The following NCOA5 variants were observed in gnomAD, a reference collection of about 807,000 sequenced individuals.
NCOA5 encodes the protein nuclear receptor coactivator 5.
In NCOA5, 12 loss-of-function variants were observed where a neutral mutation model predicts 59.0. The observed-to-expected ratio is 0.20, with a 90% CI of 0.13 to 0.33. NCOA5 has a LOEUF of 0.33. Ranked by LOEUF, NCOA5 falls within the 10% of genes least tolerant of loss-of-function variation. The pLI is 1.00. For missense variants in NCOA5, 655 were observed against 766.6 expected (o/e 0.85, Z 1.72); for synonymous variants, 270 against 275.5 (o/e 0.98, Z 0.20).
intron 5 of NCOA5, 95 bp downstream of exon 5, chr20:46,066,960 A>C: frequency 7.1e-7 from 1 of 1,401,624 alleles, no homozygotes; most frequent in Non-Finnish European, 9.7e-7. Context: ...ATGCAAGAAT[A>C]CACAGCTCAG....
In NCOA5 at chr20:46,083,817, C is replaced by G. The variant is rs954718467; in HGVS notation, c.-29-4364G>C. Among the ~76,000 whole-genome samples the G allele has an allele frequency of 2.6e-5, 4 of 152,316 alleles. No individual in the cohort carries two copies. The East Asian group carries it at 7.7e-4, about 29-fold the overall frequency. On this transcript the variant is annotated intron_variant, in intron 1 of 7. Transcript: ENST00000290231. ...TGGGAGGGGAAATGACAGGACTTCTCGCTAAACTATATTTATGAAGACAAC... is the reference window on the plus strand; with the variant it reads ...TGGGAGGGGAAATGACAGGACTTCTGGCTAAACTATATTTATGAAGACAAC...
At chr20:46,078,014 G>C (rs2084956267) in intron 2 of NCOA5, among the ~76,000 whole-genome samples, 1 of 152,224 alleles carries the variant, frequency 6.6e-6, no homozygotes, top group Non-Finnish European at 1.5e-5. Context: ...TCTTTAGAGA[G>C]AACAGACAGA....
At chr20:46,070,824 C>T (rs1449199538) in intron 2 of NCOA5, among the ~76,000 whole-genome samples, 2 of 152,102 alleles carry the variant, frequency 1.3e-5, no homozygotes, top group Non-Finnish European at 2.9e-5. Context: ...TGTCTTTCCA[C>T]CAGACTTGCT....
chr20:46,066,361 G>A (rs2084823376), intron 5 of NCOA5, among the ~76,000 whole-genome samples: 1 of 152,200 alleles, frequency 6.6e-6, no homozygotes. Context: ...CAAAGACTTG[G>A]TTCTTGGCTG....
At chr20:46,084,745 G>C (rs937379286) in intron 1 of NCOA5, among the ~76,000 whole-genome samples, 2 of 152,096 alleles carry the variant, frequency 1.3e-5, no homozygotes, top group Non-Finnish European at 2.9e-5. Flanking sequence ...GACTCAAGGA[G>C]AAAAATCAGC....
intron 2 of NCOA5, among the ~76,000 whole-genome samples, chr20:46,072,944 A>C (rs1237684138): frequency 6.6e-6 from 1 of 152,248 alleles, no homozygotes; most frequent in East Asian, 1.9e-4. Flanking sequence ...GTTATACGAC[A>C]GATGCTCTAT....
chr20:46,084,232 A>G (rs1017635326), intron 1 of NCOA5, among the ~76,000 whole-genome samples: 4 of 152,262 alleles, frequency 2.6e-5, no homozygotes, highest in African/African-American at 9.6e-5. Flanking sequence ...ATTAAGTGAC[A>G]GGCCACACAA....
intron 6 of NCOA5, 85 bp from the exon 7 acceptor site, chr20:46,063,765 C>A: frequency 7.7e-7 from 1 of 1,297,868 alleles, no homozygotes; most frequent in Non-Finnish European, 1.1e-6. Flanking sequence ...CTTTCCTAAC[C>A]TCATACCAGC....
chr20:46,067,122 T>C lies in NCOA5; in HGVS notation c.562A>G (p.Ile188Val). The C allele has an allele frequency of 6.2e-7, 1 of 1,614,224 alleles. No individual in the cohort carries two copies. The highest frequency in any genetic ancestry group is 8.5e-7 in the Non-Finnish European group (1 of 1,180,042). Reference protein sequence around the residue: ...EELYRQYFEEIQRRFDAERPV... With the variant: ...EELYRQYFEEVQRRFDAERPV... ...CTTTCGGCATCAAAGCGTCTCTGGA[T>C]TTCCTCAAAATATTGACGATAAAGC... Residue 188 changes from isoleucine (I) to valine (V), a missense_variant, in exon 5 of 8, where the codon ATC becomes GTC. Ile to Val is a conservative substitution (Grantham distance 29, BLOSUM62 3). Around this residue, in one of 3 missense-constraint regions of NCOA5, gnomAD observed 80 missense variants for 153.3 expected, o/e 0.52. Coordinates refer to ENST00000290231, the MANE Select transcript of NCOA5 (RefSeq NM_020967.3).
chr20:46,063,077 T>C lies in NCOA5; in HGVS notation c.1151-188A>G, dbSNP rs536387556. On this transcript the variant is annotated intron_variant, in intron 7 of 7. Coordinates refer to ENST00000290231, the MANE Select transcript of NCOA5 (RefSeq NM_020967.3). Reference sequence around the variant, plus strand: ...ACAGAAAACAATAGGCTAGTTCCCCTAGAGAACTGCTAAAAAACAAAAGGG... The same window carrying C: ...ACAGAAAACAATAGGCTAGTTCCCCCAGAGAACTGCTAAAAAACAAAAGGG... Among the ~76,000 whole-genome samples the C allele has an allele frequency of 1.8e-4, 28 of 152,246 alleles. No individual in the cohort carries two copies. The South Asian group carries it at 5.4e-3, about 29-fold the overall frequency.
At chr20:46,075,666 T>C (rs1334435285) in intron 2 of NCOA5, among the ~76,000 whole-genome samples, 1 of 152,210 alleles carries the variant, frequency 6.6e-6, no homozygotes, top group Non-Finnish European at 1.5e-5. Context: ...CATAAAGATA[T>C]GCTACAAGAT....
chr20:46,062,304 T>TA lies in NCOA5; in HGVS notation c.1735dup (p.Tyr579LeufsTer24), dbSNP rs757848894. ...GGAGAGTTGAAAGATTTAGCTTCAG[T>TA]AATGCCTCTGGTAAGATCCCATGGG... On this transcript the variant is annotated frameshift_variant, in exon 8 of 8. Coordinates refer to ENST00000290231, the MANE Select transcript of NCOA5 (RefSeq NM_020967.3). LOFTEE classifies it high-confidence loss of function. The TA allele has an allele frequency of 1.2e-6, 2 of 1,610,216 alleles. No individual in the cohort carries two copies.
intron 7 of NCOA5, 47 bp from the exon 8 acceptor site, chr20:46,062,936 G>A: frequency 6.8e-7 from 1 of 1,465,596 alleles, no homozygotes; most frequent in Non-Finnish European, 9.1e-7. Flanking sequence ...ACCCCCCAAG[G>A]GCAGGAGGCC....
At chr20:46,076,965 A>T (rs889146772) in intron 2 of NCOA5, among the ~76,000 whole-genome samples, 2 of 152,170 alleles carry the variant, frequency 1.3e-5, no homozygotes, top group African/African-American at 4.8e-5. Context: ...GCCCAGGCTG[A>T]AGTGCAGTGG....
intron 1 of NCOA5, among the ~76,000 whole-genome samples, chr20:46,089,317 C>G (rs1206555084): frequency 6.6e-6 from 1 of 152,226 alleles, no homozygotes; most frequent in East Asian, 1.9e-4. Context: ...TCAGGGGCCG[C>G]GAGACGGTGG....
chr20:46,070,218 AG>A lies in NCOA5; in HGVS notation c.356del (p.Pro119LeufsTer52). Reference protein sequence around the residue: ...RYRDMRDSRDPMYRREGSYDR... With the variant: ...RYRDMRDSRDXMYRREGSYDR... ...AGTAACTACGTATGTACCTGTACAT[AG>A]GATCTCGGGAGTCTCTCATGTCTCT... On this transcript the variant is annotated frameshift_variant, in exon 3 of 8. Transcript: ENST00000290231. LOFTEE classifies it high-confidence loss of function. 1 of 1,613,546 alleles carries A rather than the reference AG, an allele frequency of 6.2e-7. No individual in the cohort carries two copies. The highest frequency in any genetic ancestry group is 2.2e-5 in the East Asian group (1 of 44,876).
intron 2 of NCOA5, among the ~76,000 whole-genome samples, chr20:46,071,023 A>G (rs998992295): frequency 2.0e-5 from 3 of 152,330 alleles, no homozygotes; most frequent in Non-Finnish European, 2.9e-5. Context: ...ACTATAAGAT[A>G]CATACAGTAA....
intron 5 of NCOA5, 88 bp downstream of exon 5, chr20:46,066,967 T>C: frequency 6.9e-7 from 1 of 1,452,822 alleles, no homozygotes; most frequent in Non-Finnish European, 9.4e-7. Context: ...AATACACAGC[T>C]CAGATTCAGT....
chr20:46,080,109 T>C (rs1313107711), intron 1 of NCOA5, among the ~76,000 whole-genome samples: 2 of 152,160 alleles, frequency 1.3e-5, no homozygotes, highest in African/African-American at 4.8e-5. Context: ...TATAGTAGGG[T>C]TAGGTAATAA....
Sources: allele counts gnomAD v4.1 joint callset (sites outside exome capture counted in the v4.1 genomes callset), GRCh38; gene constraint gnomAD v4.1.1; regional missense constraint gnomAD v4.1.1; transcripts MANE v1.5; gene names NCBI Gene and HGNC (gene_info 2026-07-23, HGNC 2026-07-21).